AGBL1: variants seen among roughly 807,000 people sequenced by gnomAD.
The protein encoded by AGBL1 is cytosolic carboxypeptidase 4.
Under a neutral mutation model 118.9 loss-of-function variants are expected in AGBL1, and 130 were observed. That is an observed-to-expected ratio of 1.09 (90% confidence interval 0.95 to 1.26). The LOEUF is 1.26. Among genes scored for constraint, AGBL1 ranks in the 50% most tolerant of loss-of-function variants. AGBL1 has a pLI of 0.00. For missense variants in AGBL1, 1,584 were observed against 1,298.1 expected, an observed-to-expected ratio of 1.22 and a Z score of -3.38; for synonymous variants, 555 against 478.9, an observed-to-expected ratio of 1.16 and a Z score of -2.08.
chr15:86,492,429 A>C (rs569778715), intron 18 of AGBL1, among the ~76,000 whole-genome samples: 1 of 152,038 alleles, frequency 6.6e-6, no homozygotes, highest in South Asian at 2.1e-4. Flanking sequence ...ATCCCTACTA[A>C]AAATACAAAA....
At chr15:86,761,825 C>A (rs903433268) in intron 22 of AGBL1, among the ~76,000 whole-genome samples, 11 of 152,000 alleles carry the variant, frequency 7.2e-5, no homozygotes, top group African/African-American at 1.2e-4. Context: ...TGTGCAGAAG[C>A]GCTTTAGTTT....
intron 23 of AGBL1, among the ~76,000 whole-genome samples, chr15:86,983,770 T>G (rs1226998774): frequency 6.6e-6 from 1 of 152,188 alleles, no homozygotes; most frequent in Non-Finnish European, 1.5e-5. Flanking sequence ...TTCTAGAATT[T>G]TATATAAATA....
chr15:86,270,154 G>T (rs1443766824), intron 14 of AGBL1, 87 bp downstream of exon 14: 4 of 1,484,028 alleles, frequency 2.7e-6, no homozygotes, highest in East Asian at 2.5e-5. Context: ...CCTTTGCTTG[G>T]GTTCAGAGGG....
rs532398145 is a variant in AGBL1 at position 86,639,976 on chromosome 15, G to C, written c.2995-34297G>C. Among the ~76,000 whole-genome samples, 18 of 152,280 alleles carry C rather than the reference G, an allele frequency of 1.2e-4. No homozygotes were observed. In the South Asian group the frequency reaches 3.1e-3, roughly 26 times the overall value. On this transcript the variant is annotated intron_variant, in intron 21 of 22. Coordinates refer to ENST00000614907, the MANE Select transcript of AGBL1 (RefSeq NM_001386094.1). ...GGGACCGAGGTTTGCTGAATGGATG[G>C]TGTGTGTACTGGGCTGTGACATTTT...
chr15:86,648,674 C>G lies in AGBL1; in HGVS notation c.2995-25599C>G, dbSNP rs1402018536. ...TGACTTATTCCTGGGACCTTTGTTACTAAGAATTGAAGTGTAGAGACTAAC... is the reference window on the plus strand; with the variant it reads ...TGACTTATTCCTGGGACCTTTGTTAGTAAGAATTGAAGTGTAGAGACTAAC... On this transcript the variant is annotated intron_variant, in intron 21 of 22. Transcript: ENST00000614907. Among the ~76,000 whole-genome samples, 3 of 152,170 alleles carry G rather than the reference C, an allele frequency of 2.0e-5. No homozygotes were observed. The East Asian group carries it at 5.8e-4, about 29-fold the overall frequency.
chr15:86,927,652 A>C (rs1256160970), intron 23 of AGBL1, among the ~76,000 whole-genome samples: 1 of 152,206 alleles, frequency 6.6e-6, no homozygotes, highest in Non-Finnish European at 1.5e-5. Context: ...AGAAGGCTAT[A>C]ATGAATAGAG....
chr15:86,399,079 T>C (rs538760583), intron 18 of AGBL1, among the ~76,000 whole-genome samples: 1 of 152,268 alleles, frequency 6.6e-6, no homozygotes, highest in African/African-American at 2.4e-5. Flanking sequence ...TGGTGACTGA[T>C]TGGCCTTTAA....
chr15:86,385,411 CAG>C (rs2081169390), intron 17 of AGBL1, among the ~76,000 whole-genome samples: 1 of 152,194 alleles, frequency 6.6e-6, no homozygotes, highest in African/African-American at 2.4e-5. Context: ...GGTAGAAATG[CAG>C]AGTCTCAGGC....
chr15:86,854,480 G>T (rs2079450270), intron 22 of AGBL1, among the ~76,000 whole-genome samples: 1 of 152,134 alleles, frequency 6.6e-6, no homozygotes, highest in African/African-American at 2.4e-5. Flanking sequence ...GTTCCATCAG[G>T]GCTGCAGGGG....
At chr15:86,932,285 T>C (rs1205920502) in intron 23 of AGBL1, among the ~76,000 whole-genome samples, 1 of 152,228 alleles carries the variant, frequency 6.6e-6, no homozygotes, top group Non-Finnish European at 1.5e-5. Flanking sequence ...AAACATGATA[T>C]TACTGCAAGG....
At chr15:86,091,322 A>G (rs887536883) in intron 1 of AGBL1, among the ~76,000 whole-genome samples, 7 of 152,172 alleles carry the variant, frequency 4.6e-5, no homozygotes, top group African/African-American at 1.7e-4. Context: ...GTCTGATGTC[A>G]GGAAGAAAGA....
chr15:86,476,626 A>G (rs2082562800), intron 18 of AGBL1, among the ~76,000 whole-genome samples: 2 of 152,168 alleles, frequency 1.3e-5, no homozygotes, highest in Admixed American at 6.5e-5. Flanking sequence ...CCACACAATA[A>G]TAATGGGAGA....
intron 1 of AGBL1, among the ~76,000 whole-genome samples, chr15:86,132,151 C>T (rs190075535): frequency 5.9e-5 from 9 of 152,156 alleles, no homozygotes; most frequent in Non-Finnish European, 8.8e-5. Context: ...AAACGAGAGG[C>T]GCAAAGACAG....
At chr15:86,342,128 C>T (rs562419045) in intron 17 of AGBL1, among the ~76,000 whole-genome samples, 1 of 152,228 alleles carries the variant, frequency 6.6e-6, no homozygotes, top group African/African-American at 2.4e-5. Flanking sequence ...TATGTTTCTC[C>T]GCTTGTTATC....
intron 6 of AGBL1, among the ~76,000 whole-genome samples, chr15:86,229,752 G>A (rs1357300647): frequency 1.3e-5 from 2 of 152,188 alleles, no homozygotes; most frequent in Non-Finnish European, 2.9e-5. Flanking sequence ...CGGCACTTGA[G>A]TAAGTGTGCG....
Position 86,270,015 on chromosome 15 carries a change from T to C in AGBL1, c.1935T>C (p.Pro645=). 1 of 1,613,428 alleles carries C rather than the reference T, an allele frequency of 6.2e-7. No homozygotes were observed. Among genetic ancestry groups the C allele is most frequent in the Non-Finnish European group, 8.5e-7 (1 of 1,179,680 alleles). ...FKVSGMQAAI[P]YHFNIINCEK... is the part of the protein sequence containing the mutation. ...TGAGCGGTATGCAGGCGGCCATCCCTTACCACTTCAACATCATCAACTGTG... is the reference window on the plus strand; with the variant it reads ...TGAGCGGTATGCAGGCGGCCATCCCCTACCACTTCAACATCATCAACTGTG... Residue 645 remains proline, a synonymous_variant, in exon 14 of 23, where the codon CCT becomes CCC. Transcript: ENST00000614907.
At chr15:86,739,746 C>A (rs1036398966) in intron 22 of AGBL1, among the ~76,000 whole-genome samples, 2 of 152,082 alleles carry the variant, frequency 1.3e-5, no homozygotes, top group Non-Finnish European at 2.9e-5. Context: ...CCTTTCAAAA[C>A]CCTAATGCAC....
rs183999287 is a variant in AGBL1, at chr15:86,192,730, A to G, written c.489-32184A>G. Reference sequence around the variant, plus strand: ...CTGTTCATGAAGTAGGTAGTGGTATATATGAAAAATCAAATACTATTCAGT... The same window carrying G: ...CTGTTCATGAAGTAGGTAGTGGTATGTATGAAAAATCAAATACTATTCAGT... On this transcript the variant is annotated intron_variant, in intron 5 of 22. Coordinates refer to ENST00000614907, the MANE Select transcript of AGBL1 (RefSeq NM_001386094.1). Among the ~76,000 whole-genome samples the G allele has an allele frequency of 3.4e-3, 514 of 152,334 alleles. 1 individual carries two copies. The highest frequency in any genetic ancestry group is 0.012 in the African/African-American group (505 of 41,592).
intron 9 of AGBL1, among the ~76,000 whole-genome samples, chr15:86,262,464 C>A (rs931815181): frequency 6.6e-6 from 1 of 152,078 alleles, no homozygotes; most frequent in Non-Finnish European, 1.5e-5. Flanking sequence ...ACGATAGTGG[C>A]AATGAGATAA....
Sources: allele counts gnomAD v4.1 joint callset (sites outside exome capture counted in the v4.1 genomes callset), GRCh38; gene constraint gnomAD v4.1.1; transcripts MANE v1.5; gene names NCBI Gene and HGNC (gene_info 2026-07-23, HGNC 2026-07-21).